COL5A1: variants seen among roughly 807,000 people sequenced by gnomAD.
The protein encoded by COL5A1 is collagen alpha-1(V) chain.
Under a neutral mutation model 263.7 loss-of-function variants are expected in COL5A1, and 16 were observed. The observed-to-expected ratio is 0.06, with a 90% CI of 0.04 to 0.09. The LOEUF (loss-of-function observed/expected upper bound fraction) is 0.09. COL5A1 is among the 10% of genes least tolerant of loss of function. The probability of loss-of-function intolerance (pLI) is 1.00; values close to 1 mark genes in which losing one functional copy is unlikely to be tolerated. For missense variants in COL5A1, 2,036 were observed against 2,540.5 expected (o/e 0.80, Z 4.27); for synonymous variants, 1,012 against 1,004.5 (o/e 1.01, Z -0.14).
At chr9:134,801,146 A>G (rs1838099534) in intron 37 of COL5A1, among the ~76,000 whole-genome samples, 1 of 152,270 alleles carries the variant, frequency 6.6e-6, no homozygotes, top group South Asian at 2.1e-4. Flanking sequence ...ACGCGTGAGC[A>G]TGCAGAGCGG....
intron 2 of COL5A1, among the ~76,000 whole-genome samples, chr9:134,697,742 C>A (rs1833531103): frequency 1.3e-5 from 2 of 152,274 alleles, no homozygotes; most frequent in South Asian, 4.2e-4. Context: ...GTCCCACTCC[C>A]TTGCCATAGG....
At chr9:134,657,929 A>G (rs1327869296) in intron 1 of COL5A1, among the ~76,000 whole-genome samples, 1 of 151,650 alleles carries the variant, frequency 6.6e-6, no homozygotes, top group African/African-American at 2.4e-5. Context: ...GCTGGTGAGG[A>G]GTGGGGAGAC....
rs1833257456 is a variant in COL5A1, at chr9:134,690,980, G to C, written c.178G>C (p.Gly60Arg). ...GCCTGATGGAATAACAAAGACAACA[G>C]GCTTTTGCGCCACGCGGCGATCTTC... The part of the protein sequence containing the change: ...NLPDGITKTT[G>R]FCATRRSSKG... Residue 60 changes from glycine to arginine, a missense_variant, in exon 2 of 66, where the codon GGC becomes CGC. By Grantham distance (125) the Gly-to-Arg change is moderately radical (BLOSUM62 -2). Transcript: ENST00000371817. 6.2e-7 allele frequency: 1 copy of C among 1,613,890 alleles called. No homozygotes were observed. The highest frequency in any genetic ancestry group is 2.2e-5 in the East Asian group (1 of 44,888).
chr9:134,759,982 TGC>T (rs1342732577), intron 18 of COL5A1, among the ~76,000 whole-genome samples: 2 of 50,080 alleles, frequency 4.0e-5, no homozygotes, highest in Admixed American at 3.0e-4. Flanking sequence ...TGCACACACA[TGC>T]ACACCCACAC....
chr9:134,775,362 A>T (rs1179621830), intron 27 of COL5A1, among the ~76,000 whole-genome samples: 3 of 152,230 alleles, frequency 2.0e-5, no homozygotes, highest in African/African-American at 7.2e-5. Flanking sequence ...CCGAGTGAGA[A>T]ACAGAGTCTG....
chr9:134,831,546 G>A (rs1341368971), intron 64 of COL5A1, among the ~76,000 whole-genome samples: 1 of 152,220 alleles, frequency 6.6e-6, no homozygotes, highest in Non-Finnish European at 1.5e-5. Context: ...GAGCGTAGGG[G>A]ATGCTGATGT....
intron 1 of COL5A1, among the ~76,000 whole-genome samples, chr9:134,661,559 G>A (rs1318061304): frequency 6.6e-6 from 1 of 151,910 alleles, no homozygotes. Flanking sequence ...AGTTGACTTG[G>A]CCAATAGGGA....
chr9:134,770,187 CT>C (rs1357759178), intron 25 of COL5A1, among the ~76,000 whole-genome samples: 4 of 152,260 alleles, frequency 2.6e-5, no homozygotes, highest in Non-Finnish European at 5.9e-5. Flanking sequence ...AAAAATTCTC[CT>C]TTGCAAAGGC....
chr9:134,710,023 G>A (rs1193146774), intron 4 of COL5A1, among the ~76,000 whole-genome samples: 2 of 152,322 alleles, frequency 1.3e-5, no homozygotes, highest in Admixed American at 6.5e-5. Flanking sequence ...GCCCACGAAC[G>A]TGATGTCCTT....
chr9:134,807,742 G>T (rs150046038), intron 42 of COL5A1, among the ~76,000 whole-genome samples: 6 of 152,318 alleles, frequency 3.9e-5, no homozygotes, highest in Non-Finnish European at 8.8e-5. Flanking sequence ...GGCAATTTTG[G>T]TGTCTTCTAA....
chr9:134,816,890 T>G lies in COL5A1; in HGVS notation c.4123-136T>G. Reference sequence around the variant, plus strand: ...TGCGACACTGTCTTAGGACCCTCTGTGCTAGCCCCAAAAGAAGAGAGAGGC... The same window carrying G: ...TGCGACACTGTCTTAGGACCCTCTGGGCTAGCCCCAAAAGAAGAGAGAGGC... On this transcript the variant is annotated intron_variant, in intron 52 of 65. Transcript: ENST00000371817. 4 of 798,922 alleles carry G rather than the reference T, an allele frequency of 5.0e-6. No homozygotes were observed. In the South Asian group the frequency reaches 6.1e-5, roughly 12 times the overall value. The allele number at this position is 798,922 out of a possible 1,614,324, so 49.5% of individuals were successfully genotyped here. A position where few individuals can be genotyped will look rare whatever the true frequency, so the allele number is the denominator to read the frequency against.
At chr9:134,756,660 C>T (rs986431988) in intron 16 of COL5A1, 105 bp from the exon 17 acceptor site, 50 of 1,265,228 alleles carry the variant, frequency 4.0e-5, no homozygotes, top group South Asian at 1.1e-4. Context: ...GGGGTGGGCG[C>T]GGCTCTGGTG....
intron 8 of COL5A1, among the ~76,000 whole-genome samples, 160 bp downstream of exon 8, chr9:134,731,823 C>T (rs1030529755): frequency 6.6e-6 from 1 of 152,152 alleles, no homozygotes; most frequent in South Asian, 2.1e-4. Context: ...CTCGGTGCCT[C>T]GAATTTGCTC....
At position 134,708,479 on chromosome 9, in the gene COL5A1, C is replaced by G. The variant is rs779959425; in HGVS notation, c.654+7146C>G. ...GGACACTGTCACCCTTCTAGGTCCT[C>G]GGTCCAAGACCCGCATCTACCCAGC... On this transcript the variant is annotated intron_variant, in intron 4 of 65. Transcript: ENST00000371817. 1.3e-5 allele frequency: 6 copies of G among 455,816 alleles called. No homozygotes were observed. The East Asian group carries it at 2.8e-4, about 21-fold the overall frequency. The allele number at this position is 455,816 out of a possible 1,614,324, so 28.2% of individuals were successfully genotyped here. A position where few individuals can be genotyped will look rare whatever the true frequency, so the allele number is the denominator to read the frequency against.
At chr9:134,822,783 G>A in intron 59 of COL5A1, 1 of 645,876 alleles carries the variant, frequency 1.5e-6, no homozygotes, top group South Asian at 1.8e-5. Context: ...CTGGCCGGGG[G>A]CAGGTAGGAC....
At chr9:134,656,506 T>C (rs570141947) in intron 1 of COL5A1, among the ~76,000 whole-genome samples, 6 of 152,228 alleles carry the variant, frequency 3.9e-5, no homozygotes, top group South Asian at 4.1e-4. Flanking sequence ...TCAGAGGCAA[T>C]AGCACCACCT....
chr9:134,827,108 C>T (rs879928036), intron 63 of COL5A1, among the ~76,000 whole-genome samples: 1 of 152,202 alleles, frequency 6.6e-6, no homozygotes, highest in Non-Finnish European at 1.5e-5. Flanking sequence ...TTTCTGGGGC[C>T]GCAGCGGTTT....
At chr9:134,697,841 T>C (rs1183351508) in intron 2 of COL5A1, among the ~76,000 whole-genome samples, 2 of 152,264 alleles carry the variant, frequency 1.3e-5, no homozygotes, top group East Asian at 3.9e-4. Context: ...CGCAGCAGTT[T>C]GGGAGGCCAA....
At chr9:134,839,228 C>T (rs1465614234) in intron 65 of COL5A1, among the ~76,000 whole-genome samples, 2 of 152,210 alleles carry the variant, frequency 1.3e-5, no homozygotes, top group Non-Finnish European at 2.9e-5. Flanking sequence ...CCAGGCACCC[C>T]GCCGCATAAA....
Sources: gnomAD v4.1 joint callset for allele counts (sites outside exome capture counted in the v4.1 genomes callset) on GRCh38, gnomAD v4.1.1 for gene constraint, MANE v1.5 for transcripts, NCBI Gene and HGNC (gene_info 2026-07-23, HGNC 2026-07-21) for gene names.